The following CHM variants were observed in gnomAD, a reference collection of about 807,000 sequenced individuals.
CHM encodes the protein rab proteins geranylgeranyltransferase component A 1.
CHM carries 10 observed loss-of-function variants against 49.0 expected under a neutral mutation model. The ratio of observed to expected loss-of-function variants is 0.20; its 90% confidence interval spans 0.13 to 0.35. CHM has a LOEUF of 0.35. Ranked by LOEUF, CHM falls within the 10% of genes least tolerant of loss-of-function variation. The pLI is 1.00. For synonymous variants in CHM, 184 were observed against 167.5 expected (o/e 1.10, Z -0.76); for missense variants, 455 against 478.4 (o/e 0.95, Z 0.46).
chrX:85,973,248 G>A (rs1293098110), intron 4 of CHM, among the ~76,000 whole-genome samples: 10 of 83,819 alleles, frequency 1.2e-4, no homozygotes, highest in East Asian at 8.3e-4. Context: ...GCAATGAACC[G>A]AGATCACGCC....
intron 2 of CHM, among the ~76,000 whole-genome samples, chrX:86,011,771 G>A (rs942454565): frequency 2.7e-5 from 3 of 111,528 alleles, no homozygotes; most frequent in Non-Finnish European, 3.8e-5. Context: ...AAAATGGGGA[G>A]GCAAAAAATT....
intron 14 of CHM, among the ~76,000 whole-genome samples, chrX:85,867,955 G>T (rs1923803674): frequency 9.0e-6 from 1 of 110,949 alleles, no homozygotes; most frequent in African/African-American, 3.3e-5. Flanking sequence ...AAGGTCACTT[G>T]ATATACACTG....
intron 8 of CHM, among the ~76,000 whole-genome samples, chrX:85,944,043 G>A (rs952899772): frequency 3.6e-5 from 4 of 111,528 alleles, no homozygotes; most frequent in Non-Finnish European, 7.5e-5. Context: ...AACATCGGGG[G>A]CAGACACTAA....
chrX:86,038,602 A>C (rs1026939485), intron 1 of CHM, among the ~76,000 whole-genome samples: 5 of 112,304 alleles, frequency 4.5e-5, no homozygotes, highest in Non-Finnish European at 9.4e-5. Flanking sequence ...ATTTTGGTTT[A>C]CAGGATCAAT....
At chrX:85,929,929 C>A (rs1223356687) in intron 8 of CHM, among the ~76,000 whole-genome samples, 3 of 109,259 alleles carry the variant, frequency 2.7e-5, no homozygotes, top group African/African-American at 1.0e-4. Context: ...TGGTAAAACG[C>A]TGTCTCTACT....
intron 12 of CHM, among the ~76,000 whole-genome samples, chrX:85,886,892 T>C (rs1179604991): frequency 9.3e-6 from 1 of 107,959 alleles, no homozygotes; most frequent in East Asian, 2.9e-4. Context: ...TCAGTGTATT[T>C]CTTAAGTCTT....
intron 4 of CHM, among the ~76,000 whole-genome samples, chrX:85,978,303 T>A (rs1275103420): frequency 8.9e-6 from 1 of 111,735 alleles, no homozygotes; most frequent in Non-Finnish European, 1.9e-5. Context: ...CACTGAGTAT[T>A]ATCTAAGAAA....
intron 9 of CHM, among the ~76,000 whole-genome samples, chrX:85,909,378 C>T (rs1443363173): frequency 9.0e-6 from 1 of 111,200 alleles, no homozygotes; most frequent in African/African-American, 3.3e-5. Context: ...TCAGTGTTAT[C>T]TAATCTAAGG....
intron 14 of CHM, among the ~76,000 whole-genome samples, chrX:85,867,311 G>A (rs928002512): frequency 9.0e-6 from 1 of 111,584 alleles, no homozygotes; most frequent in Non-Finnish European, 1.9e-5. Context: ...TGTAAGACAT[G>A]CCTTGCTTCC....
At chrX:85,945,970 G>A (rs188286164) in intron 8 of CHM, among the ~76,000 whole-genome samples, 53 of 112,126 alleles carry the variant, frequency 4.7e-4, no homozygotes, top group South Asian at 1.5e-3. Flanking sequence ...CCTTGGCTGC[G>A]TTCTGTTCAT....
At position 85,975,800 on chromosome X, in the gene CHM, TAC is replaced by T. The variant is rs757205163; in HGVS notation, c.314+2965_314+2966del. On this transcript the variant is annotated intron_variant, in intron 4 of 14. Transcript: ENST00000357749. ...TGTGATAAAATTGTATGGAACTAAA[TAC>T]ACACAAACTCCATATCTGCAAAATG... Among the ~76,000 whole-genome samples the T allele has an allele frequency of 7.1e-5, 8 of 112,217 alleles. No homozygotes were observed. The South Asian group carries it at 2.6e-3, about 36-fold the overall frequency.
chrX:85,916,449 A>C (rs867204723), intron 8 of CHM, among the ~76,000 whole-genome samples: 4 of 112,322 alleles, frequency 3.6e-5, no homozygotes, highest in Middle Eastern at 4.6e-3. Context: ...CAAACATTGA[A>C]CAATGGGATC....
intron 8 of CHM, among the ~76,000 whole-genome samples, chrX:85,932,052 C>G (rs1255211653): frequency 9.0e-6 from 1 of 111,714 alleles, no homozygotes; most frequent in Non-Finnish European, 1.9e-5. Context: ...TTTAATCTGG[C>G]AAACTTAGCT....
At chrX:85,901,760 C>A (rs977745860) in intron 9 of CHM, among the ~76,000 whole-genome samples, 2 of 111,970 alleles carry the variant, frequency 1.8e-5, no homozygotes, top group African/African-American at 6.5e-5. Context: ...TTCTACTTTA[C>A]TTCAAAGGAT....
intron 8 of CHM, among the ~76,000 whole-genome samples, chrX:85,937,143 G>A (rs976449233): frequency 2.8e-5 from 3 of 108,419 alleles, no homozygotes; most frequent in African/African-American, 1.0e-4. Flanking sequence ...GCGGGCGCCT[G>A]TAGTCCCAGC....
rs759764690 is a variant in CHM, at chrX:85,894,288, A to G, written c.1414-4T>C. On this transcript the variant is annotated splice_region_variant and splice_polypyrimidine_tract_variant and intron_variant, in intron 11 of 14. Coordinates refer to ENST00000357749, the MANE Select transcript of CHM (RefSeq NM_000390.4). ...CTGGCACTGTCAAAATGGAAATCTA[A>G]AAAGCAAAAATAAAGTATCAGACAC... is the stretch of plus-strand genomic sequence containing the variant. 1 of 1,185,025 alleles carries G rather than the reference A, an allele frequency of 8.4e-7. No individual in the cohort carries two copies. The highest frequency in any genetic ancestry group is 3.0e-5 in the East Asian group (1 of 33,683).
chrX:85,987,552 T>G (rs987949422), intron 2 of CHM, among the ~76,000 whole-genome samples: 29 of 111,729 alleles, frequency 2.6e-4, no homozygotes, highest in African/African-American at 9.4e-4. Flanking sequence ...GAAAAACTAT[T>G]CAAAACATCC....
chrX:85,909,650 G>A (rs1454672532), intron 9 of CHM, among the ~76,000 whole-genome samples: 2 of 111,710 alleles, frequency 1.8e-5, no homozygotes, highest in Non-Finnish European at 3.8e-5. Context: ...CCTCTGTTTA[G>A]AGCATGTCAT....
chrX:85,900,579 T>G lies in CHM; in HGVS notation c.1413+67A>C, dbSNP rs757770397. 23 of 657,180 alleles carry G rather than the reference T, an allele frequency of 3.5e-5. No homozygotes were observed. The South Asian group carries it at 5.4e-4, about 15-fold the overall frequency. The allele number at this position is 657,180 out of a possible 1,213,427, so 54.2% of individuals were successfully genotyped here. A position where few individuals can be genotyped will look rare whatever the true frequency, so the allele number is the denominator to read the frequency against. The stretch of plus-strand genomic sequence containing the variant: ...CTTGAGTGTAGTGATTAGTTCACCA[T>G]GTATATATATACCGAAACATCTTCA... On this transcript the variant is annotated intron_variant, in intron 11 of 14. Coordinates refer to ENST00000357749, the MANE Select transcript of CHM (RefSeq NM_000390.4).
Sources: gnomAD v4.1 joint callset for allele counts (sites outside exome capture counted in the v4.1 genomes callset) on GRCh38, gnomAD v4.1.1 for gene constraint, MANE v1.5 for transcripts, NCBI Gene and HGNC (gene_info 2026-07-23, HGNC 2026-07-21) for gene names.